The following EYS variants were observed in gnomAD, a reference collection of about 807,000 sequenced individuals.
The protein encoded by EYS is protein eyes shut homolog.
In EYS, 250 loss-of-function variants were observed where a neutral mutation model predicts 282.1. The observed-to-expected ratio is 0.89, with a 90% CI of 0.80 to 0.98. The LOEUF is 0.98. Among genes scored for constraint, EYS ranks in the 50% least tolerant of loss-of-function variants. The pLI, the probability that EYS is intolerant of heterozygous loss-of-function variation, is 0.00. For synonymous variants in EYS, 1,355 were observed against 1,282.9 expected (o/e 1.06, Z -1.20); for missense variants, 4,016 against 3,709.0 (o/e 1.08, Z -2.15).
intron 19 of EYS, among the ~76,000 whole-genome samples, chr6:64,849,413 T>C (rs1328918698): frequency 6.6e-6 from 1 of 152,006 alleles, no homozygotes; most frequent in African/African-American, 2.4e-5. Context: ...AGAAATGTCT[T>C]GGGCTTTAGT....
intron 10 of EYS, among the ~76,000 whole-genome samples, chr6:65,342,144 A>G (rs1770220948): frequency 1.3e-5 from 2 of 151,168 alleles, no homozygotes; most frequent in South Asian, 2.1e-4. Flanking sequence ...TTATATTAGT[A>G]CATATGTATT....
intron 15 of EYS, among the ~76,000 whole-genome samples, chr6:64,945,082 A>G (rs1434863386): frequency 2.0e-5 from 3 of 147,834 alleles, no homozygotes; most frequent in Admixed American, 6.9e-5. Flanking sequence ...GGTCCTTGGT[A>G]TGCTGAGTGC....
At chr6:63,936,804 C>T (rs1765072164) in intron 35 of EYS, among the ~76,000 whole-genome samples, 1 of 152,154 alleles carries the variant, frequency 6.6e-6, no homozygotes, top group Admixed American at 6.5e-5. Context: ...AATTTGAAAA[C>T]ATATCACTGA....
intron 12 of EYS, among the ~76,000 whole-genome samples, chr6:65,263,480 G>C (rs1767671228): frequency 6.6e-6 from 1 of 151,880 alleles, no homozygotes; most frequent in Non-Finnish European, 1.5e-5. Context: ...TAAAGAAATA[G>C]CTCTTCCAAA....
At chr6:65,654,526 G>T (rs1455971294) in intron 1 of EYS, among the ~76,000 whole-genome samples, 1 of 151,762 alleles carries the variant, frequency 6.6e-6, no homozygotes, top group Non-Finnish European at 1.5e-5. Flanking sequence ...ACCTGCCACT[G>T]TAAGGTTTAA....
chr6:64,957,509 C>T (rs1361964388), intron 14 of EYS, among the ~76,000 whole-genome samples: 1 of 151,954 alleles, frequency 6.6e-6, no homozygotes, highest in Non-Finnish European at 1.5e-5. Context: ...ATAAGATCTA[C>T]TATTTGATGG....
chr6:64,404,213 TG>T (rs1771859397), intron 28 of EYS, among the ~76,000 whole-genome samples: 1 of 152,082 alleles, frequency 6.6e-6, no homozygotes, highest in African/African-American at 2.4e-5. Context: ...ACAATGTCAC[TG>T]GAGCTTTTAG....
chr6:64,834,511 A>G (rs1037882156), intron 19 of EYS, among the ~76,000 whole-genome samples: 1 of 151,838 alleles, frequency 6.6e-6, no homozygotes, highest in African/African-American at 2.4e-5. Context: ...AGAAGTAAAA[A>G]TCCATAATTA....
intron 22 of EYS, among the ~76,000 whole-genome samples, chr6:64,756,889 T>TC: frequency 6.6e-6 from 1 of 151,502 alleles, no homozygotes; most frequent in Middle Eastern, 3.5e-3. Context: ...TCAGTGCTTT[T>TC]TTTTTTTTTT....
At chr6:65,150,628 C>A (rs563786893) in intron 12 of EYS, among the ~76,000 whole-genome samples, 4 of 151,726 alleles carry the variant, frequency 2.6e-5, no homozygotes, top group Admixed American at 6.6e-5. Flanking sequence ...ATCATGTTTC[C>A]TTTGTTCTTC....
intron 12 of EYS, among the ~76,000 whole-genome samples, chr6:65,166,193 C>G (rs1024516329): frequency 2.0e-5 from 3 of 151,024 alleles, no homozygotes; most frequent in Admixed American, 1.3e-4. Flanking sequence ...GTAAGCCCTA[C>G]TGAAATCCAA....
At chr6:63,795,786 G>T (rs192987862) in intron 37 of EYS, among the ~76,000 whole-genome samples, 2 of 152,270 alleles carry the variant, frequency 1.3e-5, no homozygotes, top group Admixed American at 1.3e-4. Flanking sequence ...AGGAGGAAAA[G>T]AATCAAAGGT....
At chr6:63,817,269 CAG>C (rs780051323) in intron 36 of EYS, among the ~76,000 whole-genome samples, 26 of 152,240 alleles carry the variant, frequency 1.7e-4, no homozygotes, top group Middle Eastern at 3.4e-3. Context: ...GGAGAGCAAA[CAG>C]GGGATGGTGA....
At chr6:65,151,710 T>G (rs2150215622) in intron 12 of EYS, among the ~76,000 whole-genome samples, 1 of 152,162 alleles carries the variant, frequency 6.6e-6, no homozygotes, top group South Asian at 2.1e-4. Flanking sequence ...CATTTAATTG[T>G]ACTTTGTTTA....
intron 36 of EYS, among the ~76,000 whole-genome samples, chr6:63,817,429 C>T (rs1171678325): frequency 6.6e-6 from 1 of 152,186 alleles, no homozygotes; most frequent in African/African-American, 2.4e-5. Context: ...GGCTGCTCAT[C>T]AGGACATGGG....
chr6:63,956,175 C>T (rs577933772), intron 35 of EYS, among the ~76,000 whole-genome samples: 2 of 152,210 alleles, frequency 1.3e-5, no homozygotes, highest in South Asian at 2.1e-4. Flanking sequence ...GCCTCTGAGC[C>T]CAAGCCTGCA....
At chr6:64,837,256 T>TA (rs1239397166) in intron 19 of EYS, among the ~76,000 whole-genome samples, 1 of 151,492 alleles carries the variant, frequency 6.6e-6, no homozygotes, top group African/African-American at 2.4e-5. Context: ...TCTAGATGCT[T>TA]AAAAAGCACT....
At chr6:63,734,513 G>A (rs1768861338) in intron 41 of EYS, among the ~76,000 whole-genome samples, 1 of 152,078 alleles carries the variant, frequency 6.6e-6, no homozygotes, top group South Asian at 2.1e-4. Flanking sequence ...CTATCAAGAG[G>A]TTATTACTAT....
chr6:63,970,372 A>G (rs769656719), intron 35 of EYS, among the ~76,000 whole-genome samples: 6 of 152,166 alleles, frequency 3.9e-5, no homozygotes, highest in Non-Finnish European at 8.8e-5. Context: ...CCAGTGGCTC[A>G]CGCCTGTAAT....
Sources: allele counts gnomAD v4.1 joint callset (sites outside exome capture counted in the v4.1 genomes callset), GRCh38; gene constraint gnomAD v4.1.1; transcripts MANE v1.5; gene names NCBI Gene and HGNC (gene_info 2026-07-23, HGNC 2026-07-21).